The following YPEL2 variants were observed in gnomAD, a reference collection of about 807,000 sequenced individuals.
YPEL2 encodes yippee like 2, also known as protein yippee-like 2.
A neutral mutation model predicts 19.1 loss-of-function variants in YPEL2; 2 were observed. The observed-to-expected ratio is 0.10, with a 90% CI of 0.04 to 0.33. YPEL2 has a LOEUF of 0.33. YPEL2 is among the 10% of genes least tolerant of loss of function. The probability of loss-of-function intolerance (pLI) is 1.00; values close to 1 mark genes in which losing one functional copy is unlikely to be tolerated. For synonymous variants in YPEL2, 52 were observed against 50.0 expected, an observed-to-expected ratio of 1.04 and a Z score of -0.17; for missense variants, 66 against 140.7, an observed-to-expected ratio of 0.47 and a Z score of 2.68.
intron 1 of YPEL2, among the ~76,000 whole-genome samples, chr17:59,340,870 A>G (rs2147934420): frequency 6.7e-6 from 1 of 149,174 alleles, no homozygotes; most frequent in East Asian, 2.1e-4. Flanking sequence ...GTGTGCCACC[A>G]CGCCTGGCTA....
intron 2 of YPEL2, chr17:59,355,155 GTTAAC>G (rs938916466): frequency 1.1e-4 from 17 of 152,230 alleles, no homozygotes; most frequent in South Asian, 4.1e-4. Context: ...CTTTATCAAT[GTTAAC>G]TTAACCTTCA....
intron 2 of YPEL2, among the ~76,000 whole-genome samples, chr17:59,378,023 T>G (rs2147951521): frequency 6.6e-6 from 1 of 152,312 alleles, no homozygotes; most frequent in South Asian, 2.1e-4. Context: ...TAGAGAACCC[T>G]GAGGCTCGGA....
intron 2 of YPEL2, chr17:59,355,840 G>C (rs1202602589): frequency 6.6e-6 from 1 of 152,234 alleles, no homozygotes; most frequent in Non-Finnish European, 1.5e-5. Flanking sequence ...GTCAGCACAG[G>C]CTTCAATTTC....
Position 59,398,771 on chromosome 17 carries a change from T to A in YPEL2, c.*1581T>A, listed in dbSNP as rs879470235. ...AGCATCTCCTCCAAGTAGGCCGACC[T>A]TCTCGGAAAATTCACCCTAAAAGTC... On this transcript the variant is annotated 3_prime_UTR_variant, in exon 5 of 5. Coordinates refer to ENST00000312655, the MANE Select transcript of YPEL2 (RefSeq NM_001005404.4). 2 of 152,034 alleles carry A rather than the reference T, an allele frequency of 1.3e-5. No individual in the cohort carries two copies. The highest frequency in any genetic ancestry group is 3.8e-4 in the East Asian group (2 of 5,204). 9.4% of individuals were successfully genotyped at this position (152,034 alleles called of 1,614,324 possible). A position where few individuals can be genotyped will look rare whatever the true frequency, so the allele number is the denominator to read the frequency against.
intron 3 of YPEL2, 27 bp from the exon 4 acceptor site, chr17:59,389,333 A>G (rs773843697): frequency 5.6e-6 from 9 of 1,593,824 alleles, no homozygotes; most frequent in East Asian, 2.2e-5. Flanking sequence ...CTAACTACCC[A>G]CTCTCTCTTC....
At chr17:59,376,867 T>G (rs1416347349) in intron 2 of YPEL2, among the ~76,000 whole-genome samples, 1 of 140,000 alleles carries the variant, frequency 7.1e-6, no homozygotes, top group Admixed American at 7.9e-5. Context: ...GAAAATCACT[T>G]GAACCTGGGA....
intron 1 of YPEL2, among the ~76,000 whole-genome samples, chr17:59,332,541 C>T (rs1431849083): frequency 6.6e-6 from 1 of 152,162 alleles, no homozygotes; most frequent in Non-Finnish European, 1.5e-5. Flanking sequence ...CCTTTCGCCA[C>T]TTCCAGTTCA....
At chr17:59,396,009 A>G (rs1168841652) in intron 4 of YPEL2, among the ~76,000 whole-genome samples, 1 of 152,100 alleles carries the variant, frequency 6.6e-6, no homozygotes, top group Non-Finnish European at 1.5e-5. Flanking sequence ...TGAACCCGGG[A>G]GACGGAGCTT....
rs192843592 is a variant in YPEL2 at position 59,380,490 on chromosome 17, G to A, written c.118-7837G>A. Among the ~76,000 whole-genome samples the A allele has an allele frequency of 7.6e-4, 115 of 152,110 alleles. 1 individual carries two copies. The highest frequency in any genetic ancestry group is 2.6e-3 in the African/African-American group (108 of 41,494). On this transcript the variant is annotated intron_variant, in intron 2 of 4. Coordinates refer to ENST00000312655, the MANE Select transcript of YPEL2 (RefSeq NM_001005404.4). ...TCGCCATGTTGGCCAGGCTGGTCTC[G>A]AACTCCTGACCTCAAGTGATCTGCC...
intron 2 of YPEL2, among the ~76,000 whole-genome samples, chr17:59,373,142 C>T (rs1245765978): frequency 2.6e-5 from 4 of 152,226 alleles, no homozygotes; most frequent in African/African-American, 9.6e-5. Flanking sequence ...GCTGGGATTA[C>T]AGGCGTGAGC....
chr17:59,395,078 GGGGAGAGGGAGA>G, intron 4 of YPEL2, among the ~76,000 whole-genome samples: 1 of 152,280 alleles, frequency 6.6e-6, no homozygotes, highest in African/African-American at 2.4e-5. Flanking sequence ...GGGAGACCGT[GGGGAGAGGGAGA>G]GGGAGAGGGA....
In YPEL2 at chr17:59,388,313, T is replaced by C; in HGVS notation, c.118-14T>C. On this transcript the variant is annotated splice_polypyrimidine_tract_variant and intron_variant, in intron 2 of 4. Coordinates refer to ENST00000312655, the MANE Select transcript of YPEL2 (RefSeq NM_001005404.4). ...ATGGATGTCTAACTATCGATTTGTTTTCTTGCATTTCAGTCATTCCAAGGA... is the reference window on the plus strand; with the variant it reads ...ATGGATGTCTAACTATCGATTTGTTCTCTTGCATTTCAGTCATTCCAAGGA... 2 of 1,614,122 alleles carry C rather than the reference T, an allele frequency of 1.2e-6. No individual in the cohort carries two copies. The highest frequency in any genetic ancestry group is 1.7e-6 in the Non-Finnish European group (2 of 1,179,960).
intron 1 of YPEL2, among the ~76,000 whole-genome samples, chr17:59,336,097 G>A (rs557267955): frequency 6.6e-6 from 1 of 152,310 alleles, no homozygotes; most frequent in Non-Finnish European, 1.5e-5. Flanking sequence ...GTAGACACTG[G>A]ATAAGTATTT....
chr17:59,400,487 T>G lies in YPEL2; in HGVS notation c.*3297T>G, dbSNP rs1387670663. On this transcript the variant is annotated 3_prime_UTR_variant, in exon 5 of 5. Coordinates refer to ENST00000312655, the MANE Select transcript of YPEL2 (RefSeq NM_001005404.4). ...AGTGATCACCAATACATGTTTTCAG[T>G]TTTTTTTTTTTTTAAGGTCTCTATC... is the stretch of plus-strand genomic sequence containing the variant. 1 of 16,776 alleles carries G rather than the reference T, an allele frequency of 6.0e-5. No homozygotes were observed. The highest frequency in any genetic ancestry group is 9.1e-5 in the Non-Finnish European group (1 of 10,966). 1.0% of individuals were successfully genotyped at this position (16,776 alleles called of 1,614,324 possible).
chr17:59,333,591 A>G (rs181139867), intron 1 of YPEL2, among the ~76,000 whole-genome samples: 247 of 152,292 alleles, frequency 1.6e-3, no homozygotes, highest in Non-Finnish European at 1.6e-3. Flanking sequence ...TACTCCCTGC[A>G]GTGTGCTCTG....
At chr17:59,332,285 A>T (rs928320177) in intron 1 of YPEL2, among the ~76,000 whole-genome samples, 1 of 151,976 alleles carries the variant, frequency 6.6e-6, no homozygotes. Context: ...TCCTGGGGAC[A>T]CTTAGGTCCA....
chr17:59,369,906 G>A (rs1288515473), intron 2 of YPEL2, among the ~76,000 whole-genome samples: 1 of 152,182 alleles, frequency 6.6e-6, no homozygotes, highest in Non-Finnish European at 1.5e-5. Context: ...CATTGTGCTA[G>A]GCATGTTATA....
At chr17:59,391,039 C>T (rs563084761) in intron 4 of YPEL2, among the ~76,000 whole-genome samples, 1 of 152,240 alleles carries the variant, frequency 6.6e-6, no homozygotes, top group Admixed American at 6.5e-5. Context: ...TTTTTTCAGC[C>T]TGCACGTGTA....
At chr17:59,334,514 G>A (rs951772956) in intron 1 of YPEL2, among the ~76,000 whole-genome samples, 1 of 151,662 alleles carries the variant, frequency 6.6e-6, no homozygotes, top group Non-Finnish European at 1.5e-5. Flanking sequence ...GTCCCTGTGT[G>A]CAGGCGAATC....
Sources: allele counts gnomAD v4.1 joint callset (sites outside exome capture counted in the v4.1 genomes callset), GRCh38; gene constraint gnomAD v4.1.1; transcripts MANE v1.5; gene names NCBI Gene and HGNC (gene_info 2026-07-23, HGNC 2026-07-21).